EPHA3: variants seen among roughly 807,000 people sequenced by gnomAD.
EPHA3 encodes the protein ephrin type-A receptor 3.
In EPHA3, 42 loss-of-function variants were observed where a neutral mutation model predicts 107.1. The ratio of observed to expected loss-of-function variants is 0.39; its 90% CI spans 0.31 to 0.51. EPHA3 has a LOEUF of 0.51. Ranked by LOEUF, EPHA3 falls within the 20% of genes least tolerant of loss-of-function variation. The pLI is 0.78. For missense variants in EPHA3, 1,183 were observed against 1,211.2 expected, an observed-to-expected ratio of 0.98 and a Z score of 0.35; for synonymous variants, 461 against 424.8, an observed-to-expected ratio of 1.09 and a Z score of -1.05.
chr3:89,416,209 G>T (rs1377885636), intron 10 of EPHA3, among the ~76,000 whole-genome samples: 1 of 151,210 alleles, frequency 6.6e-6, no homozygotes, highest in Non-Finnish European at 1.5e-5. Context: ...ATTTTAATCA[G>T]AATACAGTCC....
intron 3 of EPHA3, among the ~76,000 whole-genome samples, chr3:89,269,879 T>C (rs923136924): frequency 2.6e-5 from 4 of 151,542 alleles, no homozygotes; most frequent in Non-Finnish European, 5.9e-5. Flanking sequence ...CATGCCCTTG[T>C]CTGAGAACTA....
intron 1 of EPHA3, among the ~76,000 whole-genome samples, chr3:89,126,034 A>G (rs1295845791): frequency 1.3e-5 from 2 of 151,728 alleles, no homozygotes; most frequent in Admixed American, 1.3e-4. Flanking sequence ...GATGACTTTT[A>G]AAAGGATGGT....
chr3:89,305,054 G>A (rs561844551), intron 3 of EPHA3, among the ~76,000 whole-genome samples: 3 of 152,280 alleles, frequency 2.0e-5, no homozygotes, highest in Admixed American at 6.5e-5. Context: ...ATTTAAGACT[G>A]TGTTGGCATA....
At chr3:89,379,812 G>C (rs1708466139) in intron 5 of EPHA3, among the ~76,000 whole-genome samples, 2 of 152,078 alleles carry the variant, frequency 1.3e-5, no homozygotes, top group African/African-American at 2.4e-5. Flanking sequence ...CAAGCCAAAT[G>C]AGTATTTTTA....
chr3:89,390,520 A>G (rs375507660), intron 5 of EPHA3, among the ~76,000 whole-genome samples: 4 of 151,304 alleles, frequency 2.6e-5, no homozygotes, highest in African/African-American at 4.9e-5. Flanking sequence ...GAATTGCTTG[A>G]ACCCGGGAGG....
chr3:89,267,583 C>T (rs755370010), intron 3 of EPHA3, among the ~76,000 whole-genome samples: 58 of 152,108 alleles, frequency 3.8e-4, no homozygotes, highest in Non-Finnish European at 6.5e-4. Context: ...ATTAAAAGCC[C>T]TTCACCATGG....
intron 10 of EPHA3, among the ~76,000 whole-genome samples, chr3:89,414,931 A>G (rs540711074): frequency 1.3e-5 from 2 of 151,704 alleles, no homozygotes; most frequent in African/African-American, 2.4e-5. Context: ...ATATATGTTA[A>G]TGATTAGATA....
At chr3:89,224,869 G>A (rs1311408682) in intron 3 of EPHA3, among the ~76,000 whole-genome samples, 3 of 150,950 alleles carry the variant, frequency 2.0e-5, no homozygotes, top group Non-Finnish European at 3.0e-5. Context: ...TAATAATAAT[G>A]ATAATAAATA....
chr3:89,216,168 A>G (rs1704219628), intron 3 of EPHA3, among the ~76,000 whole-genome samples: 1 of 151,900 alleles, frequency 6.6e-6, no homozygotes, highest in African/African-American at 2.4e-5. Context: ...GACTATGGTA[A>G]TGTATGGGTT....
chr3:89,415,402 T>C (rs1709226554), intron 10 of EPHA3, among the ~76,000 whole-genome samples: 1 of 147,968 alleles, frequency 6.8e-6, no homozygotes, highest in Admixed American at 6.8e-5. Flanking sequence ...CTGGCTTCCA[T>C]TGTTAGAAAG....
intron 2 of EPHA3, among the ~76,000 whole-genome samples, chr3:89,160,369 TATTTAG>T (rs1704903131): frequency 1.3e-5 from 2 of 152,076 alleles, no homozygotes; most frequent in African/African-American, 2.4e-5. Context: ...ATGATGGTAA[TATTTAG>T]ATTGTTTTCC....
intron 2 of EPHA3, among the ~76,000 whole-genome samples, chr3:89,201,916 C>T (rs1705977235): frequency 6.6e-6 from 1 of 152,116 alleles, no homozygotes; most frequent in Admixed American, 6.5e-5. Context: ...AGCCCGCTGC[C>T]CTATATTCCA....
At chr3:89,279,633 A>G (rs1705893157) in intron 3 of EPHA3, among the ~76,000 whole-genome samples, 1 of 152,106 alleles carries the variant, frequency 6.6e-6, no homozygotes, top group Non-Finnish European at 1.5e-5. Flanking sequence ...ATACCAGATA[A>G]ATATTTCTTC....
At chr3:89,126,193 C>A (rs1704092922) in intron 1 of EPHA3, among the ~76,000 whole-genome samples, 1 of 151,620 alleles carries the variant, frequency 6.6e-6, no homozygotes, top group Non-Finnish European at 1.5e-5. Context: ...TGGTCTGGTT[C>A]ATGTTAATAA....
At chr3:89,179,880 T>C (rs2107116819) in intron 2 of EPHA3, among the ~76,000 whole-genome samples, 1 of 152,000 alleles carries the variant, frequency 6.6e-6, no homozygotes, top group East Asian at 1.9e-4. Flanking sequence ...TTGTTTTCAT[T>C]TTTGAGCTTG....
intron 5 of EPHA3, among the ~76,000 whole-genome samples, chr3:89,360,736 C>G (rs1708075663): frequency 2.6e-5 from 4 of 151,030 alleles, no homozygotes; most frequent in South Asian, 4.2e-4. Context: ...GAAAAACAAG[C>G]CTCTTATAAC....
At chr3:89,201,571 C>T (rs1439308143) in intron 2 of EPHA3, among the ~76,000 whole-genome samples, 1 of 152,140 alleles carries the variant, frequency 6.6e-6, no homozygotes, top group African/African-American at 2.4e-5. Flanking sequence ...TGCAAATGTT[C>T]ATTCCTAGAT....
chr3:89,460,017 T>G (rs746071722), intron 15 of EPHA3, among the ~76,000 whole-genome samples: 1 of 152,300 alleles, frequency 6.6e-6, no homozygotes, highest in South Asian at 2.1e-4. Flanking sequence ...ATAAATTTAT[T>G]CACTTATTTT....
chr3:89,298,243 G>A (rs1182181156), intron 3 of EPHA3, among the ~76,000 whole-genome samples: 3 of 152,048 alleles, frequency 2.0e-5, no homozygotes, highest in African/African-American at 7.2e-5. Flanking sequence ...AAAAACTGAA[G>A]GGGAACTTTT....
Sources: allele counts gnomAD v4.1 joint callset (sites outside exome capture counted in the v4.1 genomes callset), GRCh38; gene constraint gnomAD v4.1.1; transcripts MANE v1.5; gene names NCBI Gene and HGNC (gene_info 2026-07-23, HGNC 2026-07-21).